Variants in BABAM2 observed in about 807,000 individuals in gnomAD.
BABAM2 encodes the protein BRISC and BRCA1 A complex member 2, also known as BRISC and BRCA1-A complex member 2.
BABAM2 carries 31 observed loss-of-function variants against 54.7 expected under a neutral mutation model. The observed-to-expected ratio is 0.57, with a 90% CI of 0.43 to 0.77. BABAM2 has a LOEUF of 0.77. Among genes scored for constraint, BABAM2 ranks in the 30% least tolerant of loss-of-function variants. The pLI is 0.00. For synonymous variants in BABAM2, 167 were observed against 162.9 expected (o/e 1.03, Z -0.19); for missense variants, 364 against 455.8 (o/e 0.80, Z 1.83).
At chr2:28,186,713 G>A (rs1676325134) in intron 7 of BABAM2, among the ~76,000 whole-genome samples, 1 of 152,088 alleles carries the variant, frequency 6.6e-6, no homozygotes, top group African/African-American at 2.4e-5. Context: ...AGCGAAGCAA[G>A]GCAAGGCAAT....
At chr2:28,178,243 T>C (rs1262500765) in intron 7 of BABAM2, among the ~76,000 whole-genome samples, 3 of 152,158 alleles carry the variant, frequency 2.0e-5, no homozygotes, top group Non-Finnish European at 4.4e-5. Context: ...ATAGACCATA[T>C]GTTAAGCCAC....
At chr2:27,895,911 G>A (rs551243430) in intron 2 of BABAM2, among the ~76,000 whole-genome samples, 48 of 152,088 alleles carry the variant, frequency 3.2e-4, no homozygotes, top group African/African-American at 9.9e-4. Context: ...TTCCTCTGTG[G>A]GTTATAAATT....
intron 7 of BABAM2, among the ~76,000 whole-genome samples, chr2:28,144,044 C>T (rs534860353): frequency 1.3e-5 from 2 of 152,258 alleles, no homozygotes; most frequent in South Asian, 2.1e-4. Flanking sequence ...CCCTGGTTGC[C>T]GCTTTGTAGT....
chr2:28,138,693 C>T (rs56414201), intron 7 of BABAM2, among the ~76,000 whole-genome samples: 3,813 of 152,244 alleles, frequency 0.025, 68 homozygotes, highest in Non-Finnish European at 0.038. Flanking sequence ...TCTTTATTTT[C>T]ATTAATGGCT....
intron 11 of BABAM2, among the ~76,000 whole-genome samples, chr2:28,320,098 C>T (rs1182505711): frequency 1.3e-5 from 2 of 152,204 alleles, no homozygotes; most frequent in African/African-American, 4.8e-5. Flanking sequence ...GTATTTGAGC[C>T]AGCCATATGG....
intron 7 of BABAM2, among the ~76,000 whole-genome samples, chr2:28,206,177 A>G (rs1265919545): frequency 6.6e-6 from 1 of 152,146 alleles, no homozygotes; most frequent in East Asian, 1.9e-4. Context: ...ATAGACACGA[A>G]TCTATGTTTT....
chr2:28,008,192 G>A (rs1001372982), intron 4 of BABAM2, among the ~76,000 whole-genome samples: 1 of 152,144 alleles, frequency 6.6e-6, no homozygotes, highest in Non-Finnish European at 1.5e-5. Flanking sequence ...ATTAGTGGGT[G>A]CAATAAATAG....
intron 2 of BABAM2, among the ~76,000 whole-genome samples, chr2:27,913,261 T>C (rs1386113553): frequency 6.6e-6 from 1 of 152,228 alleles, no homozygotes; most frequent in Non-Finnish European, 1.5e-5. Flanking sequence ...TATCTCATTT[T>C]CTGTACTTTT....
chr2:28,192,772 TG>T (rs1677081347), intron 7 of BABAM2, among the ~76,000 whole-genome samples: 1 of 151,996 alleles, frequency 6.6e-6, no homozygotes, highest in South Asian at 2.1e-4. Flanking sequence ...TCCGCCCACC[TG>T]GGCCTCCCAA....
intron 7 of BABAM2, among the ~76,000 whole-genome samples, chr2:28,133,172 T>G (rs1247529607): frequency 6.6e-6 from 1 of 152,230 alleles, no homozygotes; most frequent in African/African-American, 2.4e-5. Context: ...GCTAAAGTTA[T>G]TAATACTTGT....
intron 6 of BABAM2, among the ~76,000 whole-genome samples, chr2:28,076,309 G>A (rs1290666834): frequency 6.6e-6 from 1 of 151,590 alleles, no homozygotes; most frequent in African/African-American, 2.4e-5. Context: ...TCTCATCCCT[G>A]TTTTTAAATG....
chr2:28,091,308 T>C (rs1327005223), intron 6 of BABAM2, among the ~76,000 whole-genome samples: 1 of 152,240 alleles, frequency 6.6e-6, no homozygotes, highest in Non-Finnish European at 1.5e-5. Flanking sequence ...TACATAGGTA[T>C]TAGCATCTCA....
intron 7 of BABAM2, chr2:28,134,562 G>A (rs1670377352): frequency 6.6e-6 from 1 of 152,236 alleles, no homozygotes; most frequent in African/African-American, 2.4e-5. Context: ...CATAAAAAGA[G>A]GACTTCAGCC....
chr2:28,232,987 G>T (rs538593178), intron 7 of BABAM2, among the ~76,000 whole-genome samples: 26 of 152,296 alleles, frequency 1.7e-4, no homozygotes, highest in South Asian at 6.2e-4. Flanking sequence ...CACTGGAAAA[G>T]ATTTTAAAAC....
Sources: allele counts gnomAD v4.1 joint callset (sites outside exome capture counted in the v4.1 genomes callset), GRCh38; gene constraint gnomAD v4.1.1; transcripts MANE v1.5; gene names NCBI Gene and HGNC (gene_info 2026-07-23, HGNC 2026-07-21).